APOBEC3F: variants seen among roughly 807,000 people sequenced by gnomAD.
APOBEC3F encodes DNA dC->dU-editing enzyme APOBEC-3F.
In APOBEC3F, 34 loss-of-function variants were observed where a neutral mutation model predicts 45.8. That is an observed-to-expected ratio of 0.74 (90% CI 0.57 to 0.99). The LOEUF is 0.99. Among genes scored for constraint, APOBEC3F ranks in the 50% least tolerant of loss-of-function variants. APOBEC3F has a pLI of 0.00. For synonymous variants in APOBEC3F, 192 were observed against 174.4 expected (o/e 1.10, Z -0.80); for missense variants, 459 against 474.1 (o/e 0.97, Z 0.30).
At chr22:39,041,103 C>T in intron 1 of APOBEC3F, 126 bp downstream of exon 1, 2 of 1,480,090 alleles carry the variant, frequency 1.4e-6, no homozygotes, top group South Asian at 1.2e-5. Context: ...CCTCTGGCTC[C>T]CCTGCCCCCG....
At chr22:39,044,252 G>A in intron 2 of APOBEC3F, 2 of 1,581,540 alleles carry the variant, frequency 1.3e-6, no homozygotes, top group East Asian at 2.3e-5. Flanking sequence ...AGGATGCCTG[G>A]TGAATGGATG....
At chr22:39,044,012 T>TG (rs1246282663) in intron 2 of APOBEC3F, 1 of 1,464,272 alleles carries the variant, frequency 6.8e-7, no homozygotes, top group Admixed American at 2.4e-5. Context: ...GCAACAAGAG[T>TG]GAAACTACGT....
At chr22:39,046,033 A>C (rs1927200555) in intron 4 of APOBEC3F, among the ~76,000 whole-genome samples, 1 of 152,004 alleles carries the variant, frequency 6.6e-6, no homozygotes, top group Non-Finnish European at 1.5e-5. Context: ...TTATTTTCTC[A>C]CAGATCTGGA....
rs6001402 is a variant in APOBEC3F at position 39,052,706 on chromosome 22, C to A, written c.*11C>A. The A allele has an allele frequency of 0.52, 836,562 of 1,608,218 alleles. 222,757 individuals carry two copies. Among genetic ancestry groups the A allele is most frequent in the East Asian group, 0.71 (31,729 of 44,850 alleles). ...GAGATTCTCGAGTGAGGGGTCTCCC[C>A]GGGCCTCATGGTCTGTCTCCTCTAG... On this transcript the variant is annotated 3_prime_UTR_variant, in exon 7 of 7. Transcript: ENST00000308521.
intron 2 of APOBEC3F, 121 bp from the exon 3 acceptor site, chr22:39,044,820 A>T: frequency 1.1e-6 from 1 of 916,832 alleles, no homozygotes; most frequent in Non-Finnish European, 1.6e-6. Context: ...GGATGGAGGA[A>T]AGGAGCTTCA....
At chr22:39,051,473 C>A (rs1001562341) in intron 5 of APOBEC3F, among the ~76,000 whole-genome samples, 11 of 147,786 alleles carry the variant, frequency 7.4e-5, no homozygotes, top group African/African-American at 2.5e-4. Context: ...GGAGGCGGAG[C>A]TTGCAGTGAG....
rs998547342 is a variant in APOBEC3F at position 39,054,477 on chromosome 22, G to A, written c.*1782G>A. On this transcript the variant is annotated 3_prime_UTR_variant, in exon 7 of 7. Coordinates refer to ENST00000308521, the MANE Select transcript of APOBEC3F (RefSeq NM_145298.6). The stretch of plus-strand genomic sequence containing the variant: ...GAACTCCTGACCTCGTGATCCACCC[G>A]TCTCGGCCTCCCAAAGTGCTGGGAT... Among the ~76,000 whole-genome samples, 9 of 152,046 alleles carry A rather than the reference G, an allele frequency of 5.9e-5. No individual in the cohort carries two copies. The highest frequency in any genetic ancestry group is 1.4e-4 in the African/African-American group (6 of 41,390).
chr22:39,041,080 C>T (rs2146337719), intron 1 of APOBEC3F, 103 bp downstream of exon 1: 2 of 1,529,662 alleles, frequency 1.3e-6, no homozygotes, highest in Middle Eastern at 2.2e-4. Flanking sequence ...AGCCCCAGCC[C>T]TGGGCTCCCT....
rs34455474 is a variant in APOBEC3F at position 39,054,795 on chromosome 22, G to A, written c.*2100G>A. Reference sequence around the variant, plus strand: ...CTTGACATTTTCTAGGCAGATATAAGTTATTAGAGAATGAGATTCTCTATA... The same window carrying A: ...CTTGACATTTTCTAGGCAGATATAAATTATTAGAGAATGAGATTCTCTATA... On this transcript the variant is annotated 3_prime_UTR_variant, in exon 7 of 7. Transcript: ENST00000308521. 8.2e-3 allele frequency among the ~76,000 whole-genome samples: 1,244 copies of A among 152,316 alleles called. 16 individuals are homozygous for A. Among genetic ancestry groups the A allele is most frequent in the African/African-American group, 0.028 (1,167 of 41,576 alleles).
intron 4 of APOBEC3F, among the ~76,000 whole-genome samples, chr22:39,047,638 C>T (rs1478391467): frequency 2.0e-5 from 3 of 151,966 alleles, no homozygotes; most frequent in Non-Finnish European, 4.4e-5. Context: ...GGTTCCTCTG[C>T]TGCTCCCACT....
rs12159395 is a variant in APOBEC3F at position 39,046,817 on chromosome 22, T to C, written c.566+1275T>C. Among the ~76,000 whole-genome samples the C allele has an allele frequency of 9.5e-3, 1,440 of 151,954 alleles. 22 individuals are homozygous for C. The highest frequency in any genetic ancestry group is 0.032 in the African/African-American group (1,341 of 41,446). On this transcript the variant is annotated intron_variant, in intron 4 of 6. Transcript: ENST00000308521. The stretch of plus-strand genomic sequence containing the variant: ...TTTTAGTAGAGACGGGGTTTTGCAA[T>C]GTTGGCCAGGTGTTGAGTAAGATTT...
intron 2 of APOBEC3F, among the ~76,000 whole-genome samples, chr22:39,044,674 C>T (rs1327639611): frequency 6.6e-6 from 1 of 152,174 alleles, no homozygotes; most frequent in Non-Finnish European, 1.5e-5. Flanking sequence ...TGAATAAACA[C>T]GCCAGTAGCA....
intron 4 of APOBEC3F, among the ~76,000 whole-genome samples, chr22:39,047,845 T>A (rs1335649844): frequency 3.9e-5 from 6 of 151,976 alleles, no homozygotes; most frequent in South Asian, 2.1e-4. Context: ...ACTGAGAAAA[T>A]TGAACCAAAG....
chr22:39,045,676 C>T, intron 4 of APOBEC3F, 134 bp downstream of exon 4: 2 of 1,488,570 alleles, frequency 1.3e-6, no homozygotes, highest in South Asian at 1.3e-5. Flanking sequence ...CCCTCACCCA[C>T]ACTCCTTGTG....
Position 39,052,663 on chromosome 22 carries a change from C to T in APOBEC3F, c.1090C>T (p.Leu364=), listed in dbSNP as rs534968493. The T allele has an allele frequency of 7.4e-6, 12 of 1,614,108 alleles. No individual in the cohort carries two copies. The African/African-American group carries it at 1.5e-4, about 20-fold the overall frequency. ...AGGACTAAAATACAACTTTCTATTC[C>T]TGGACAGCAAGCTGCAGGAGATTCT... is the stretch of plus-strand genomic sequence containing the variant. ...WKGLKYNFLF[L]DSKLQEILE Residue 364 remains leucine, a synonymous_variant, in exon 7 of 7, where the codon CTG becomes TTG. Coordinates refer to ENST00000308521, the MANE Select transcript of APOBEC3F (RefSeq NM_145298.6).
At position 39,053,957 on chromosome 22, in the gene APOBEC3F, C is replaced by T. The variant is rs1165902532; in HGVS notation, c.*1262C>T. 6.6e-6 allele frequency: 1 copy of T among 152,172 alleles called. No homozygotes were observed. Among genetic ancestry groups the T allele is most frequent in the East Asian group, 1.9e-4 (1 of 5,204 alleles). The allele number at this position is 152,172 out of a possible 1,614,324, so 9.4% of individuals were successfully genotyped here. A position where few individuals can be genotyped will look rare whatever the true frequency, so the allele number is the denominator to read the frequency against. ...ATTCAGCAATGGAACCTCCCAGTTC[C>T]CAACCCTTCCTAGTGCCCATGGGCT... On this transcript the variant is annotated 3_prime_UTR_variant, in exon 7 of 7. Coordinates refer to ENST00000308521, the MANE Select transcript of APOBEC3F (RefSeq NM_145298.6).
intron 1 of APOBEC3F, among the ~76,000 whole-genome samples, chr22:39,042,435 C>G (rs1169244305): frequency 6.6e-6 from 1 of 151,934 alleles, no homozygotes; most frequent in Non-Finnish European, 1.5e-5. Flanking sequence ...CCTCAGCCTC[C>G]ACAGTGGCTG....
chr22:39,044,917 C>T, intron 2 of APOBEC3F, 24 bp from the exon 3 acceptor site: 1 of 1,605,076 alleles, frequency 6.2e-7, no homozygotes, highest in South Asian at 1.1e-5. Context: ...TCAGAGCATC[C>T]CCTGCCCCCT....
rs1489545144 is a variant in APOBEC3F at position 39,053,068 on chromosome 22, ACT to A, written c.*376_*377del. ...ATGGCTTGATCTTGGCTCACTGCAA[ACT>A]CTGCCTACCAGGTTCAAGCGATTCT... is the stretch of plus-strand genomic sequence containing the variant. On this transcript the variant is annotated 3_prime_UTR_variant, in exon 7 of 7. Transcript: ENST00000308521. 1 of 162,032 alleles carries A rather than the reference ACT, an allele frequency of 6.2e-6. No individual in the cohort carries two copies. The highest frequency in any genetic ancestry group is 1.3e-5 in the Non-Finnish European group (1 of 76,122). The allele number at this position is 162,032 out of a possible 1,614,324, so 10.0% of individuals were successfully genotyped here. A position where few individuals can be genotyped will look rare whatever the true frequency, so the allele number is the denominator to read the frequency against.
Sources: allele counts gnomAD v4.1 joint callset (sites outside exome capture counted in the v4.1 genomes callset), GRCh38; gene constraint gnomAD v4.1.1; transcripts MANE v1.5; gene names NCBI Gene and HGNC (gene_info 2026-07-23, HGNC 2026-07-21).